Variants in IDI2 observed in about 807,000 individuals in gnomAD.
IDI2 encodes isopentenyl-diphosphate delta-isomerase 2.
IDI2 carries 18 observed loss-of-function variants against 14.8 expected under a neutral mutation model. The ratio of observed to expected loss-of-function variants is 1.22; its 90% confidence interval spans 0.84 to 1.80. IDI2 has a LOEUF of 1.80. Ranked by LOEUF, IDI2 falls within the 40% of genes most tolerant of loss-of-function variation. IDI2 has a pLI of 0.00. For synonymous variants in IDI2, 133 were observed against 109.6 expected, an observed-to-expected ratio of 1.21 and a Z score of -1.33; for missense variants, 316 against 283.2, an observed-to-expected ratio of 1.12 and a Z score of -0.83.
chr10:1,021,912 C>G (rs1041683990), intron 3 of IDI2, among the ~76,000 whole-genome samples: 1 of 152,198 alleles, frequency 6.6e-6, no homozygotes, highest in East Asian at 1.9e-4. Flanking sequence ...TTGAGGACAG[C>G]CTAGGCCAAA....
chr10:1,020,924 C>G (rs766363042), intron 3 of IDI2, 27 bp from the exon 4 acceptor site: 1 of 1,599,474 alleles, frequency 6.3e-7, no homozygotes, highest in Non-Finnish European at 8.5e-7. Flanking sequence ...TGGGAACATC[C>G]CTCTTTATTC....
chr10:1,019,688 G>A lies in IDI2; in HGVS notation c.513C>T (p.Ile171=), dbSNP rs1225144422. 1 of 1,614,010 alleles carries A rather than the reference G, an allele frequency of 6.2e-7. No individual in the cohort carries two copies. The highest frequency in any genetic ancestry group is 2.2e-5 in the East Asian group (1 of 44,842). The change falls in exon 5 of 5, where the codon ATC becomes ATT. Residue 171 remains isoleucine, a synonymous_variant. Coordinates refer to ENST00000277517, the MANE Select transcript of IDI2 (RefSeq NM_033261.3). The part of the protein sequence containing the change: ...LNPDPSETKS[I]LYLSQEELWE... ...ACAGCTCCTCCTGGGACAGGTAGAG[G>A]ATGCTTTTCGTTTCACTGGGATCCG...
chr10:1,025,190 A>C (rs907093789), intron 1 of IDI2, among the ~76,000 whole-genome samples: 1 of 152,168 alleles, frequency 6.6e-6, no homozygotes. Context: ...TCACCCACAG[A>C]AGGGCTATGG....
chr10:1,020,486 G>C (rs1832072795), intron 4 of IDI2, among the ~76,000 whole-genome samples: 1 of 152,190 alleles, frequency 6.6e-6, no homozygotes, highest in Non-Finnish European at 1.5e-5. Context: ...ACCACGCCCG[G>C]CTTGAATTTC....
chr10:1,021,109 G>A (rs183847273), intron 3 of IDI2, among the ~76,000 whole-genome samples: 45 of 152,348 alleles, frequency 3.0e-4, no homozygotes, highest in African/African-American at 1.0e-3. Context: ...TGACCACCTG[G>A]CGGGGCTGGC....
At chr10:1,024,915 T>C (rs1186590662) in intron 1 of IDI2, among the ~76,000 whole-genome samples, 171 bp from the exon 2 acceptor site, 1 of 152,066 alleles carries the variant, frequency 6.6e-6, no homozygotes, top group Non-Finnish European at 1.5e-5. Context: ...CTGTTTCTAA[T>C]GTGGTGTCTC....
At chr10:1,021,891 G>C (rs1832109601) in intron 3 of IDI2, among the ~76,000 whole-genome samples, 1 of 152,188 alleles carries the variant, frequency 6.6e-6, no homozygotes, top group Non-Finnish European at 1.5e-5. Flanking sequence ...GCAAGGTCTG[G>C]TTTTGAAAAT....
chr10:1,024,817 C>A, intron 1 of IDI2, 73 bp from the exon 2 acceptor site: 1 of 1,448,498 alleles, frequency 6.9e-7, no homozygotes, highest in South Asian at 1.2e-5. Flanking sequence ...GTGTTACCAA[C>A]CACATTAGGA....
chr10:1,023,858 G>C (rs1004066520), intron 2 of IDI2, among the ~76,000 whole-genome samples: 4 of 152,150 alleles, frequency 2.6e-5, no homozygotes, highest in African/African-American at 7.2e-5. Context: ...GAATGTTTGA[G>C]GTGATGGATA....
intron 2 of IDI2, among the ~76,000 whole-genome samples, chr10:1,023,528 T>G (rs1832155063): frequency 6.7e-6 from 1 of 149,628 alleles, no homozygotes; most frequent in African/African-American, 2.5e-5. Context: ...GCAACATGGA[T>G]GGAACTGGAG....
At chr10:1,021,055 G>A (rs999388030) in intron 3 of IDI2, among the ~76,000 whole-genome samples, 158 bp from the exon 4 acceptor site, 32 of 152,260 alleles carry the variant, frequency 2.1e-4, no homozygotes, top group African/African-American at 7.7e-4. Flanking sequence ...AGCAGCACTC[G>A]CCTCCAGCCT....
At chr10:1,024,489 C>T (rs1832174590) in intron 2 of IDI2, 93 bp downstream of exon 2, 2 of 1,435,460 alleles carry the variant, frequency 1.4e-6, no homozygotes, top group South Asian at 2.6e-5. Context: ...CGCCTCCTAG[C>T]CGGAAAGGCC....
At position 1,022,720 on chromosome 10, in the gene IDI2, C is replaced by G. The variant is rs561472973; in HGVS notation, c.198G>C (p.Leu66=). 78 of 1,614,142 alleles carry G rather than the reference C, an allele frequency of 4.8e-5. 2 individuals carry two copies. In the South Asian group the frequency reaches 8.3e-4, roughly 17 times the overall value. ...CTTTCGTGTCCGACCTCTGCTGTAT[C>G]AGGATTCGATTCTTGGTGTTAAACA... ...VVLFNTKNRI[L]IQQRSDTKVT... Residue 66 remains leucine, a synonymous_variant, in exon 3 of 5, where the codon CTG becomes CTC. Transcript: ENST00000277517.
Position 1,022,690 on chromosome 10 carries a change from C to T in IDI2, c.228G>A (p.Thr76=), listed in dbSNP as rs35183510. 1.7e-3 allele frequency: 2,796 copies of T among 1,613,046 alleles called. 36 individuals carry two copies. The African/African-American group carries it at 0.032, about 18-fold the overall frequency. The change falls in exon 3 of 5, where the codon ACG becomes ACA. Residue 76 remains threonine, a synonymous_variant. Coordinates refer to ENST00000277517, the MANE Select transcript of IDI2 (RefSeq NM_033261.3). ...LIQQRSDTKV[T]FPGYFTDSCS... is the part of the protein sequence containing the mutation. ...TTGGTTGAACGGACTCACCAGGAAA[C>T]GTGACTTTCGTGTCCGACCTCTGCT...
At chr10:1,023,291 T>C (rs1832146699) in intron 2 of IDI2, among the ~76,000 whole-genome samples, 1 of 151,968 alleles carries the variant, frequency 6.6e-6, no homozygotes. Flanking sequence ...CTGGCTAACA[T>C]GGTGAAACCC....
chr10:1,019,595 C>T lies in IDI2; in HGVS notation c.606G>A (p.Glu202=), dbSNP rs771329449. Residue 202 remains glutamate (E), a synonymous_variant, in exon 5 of 5, where the codon GAG becomes GAA. Coordinates refer to ENST00000277517, the MANE Select transcript of IDI2 (RefSeq NM_033261.3). ...KVTPWLRTIA[E]RFLYRWWPHL... is the part of the protein sequence containing the mutation. ...GAGGCCACCACCGGTACAGAAACCT[C>T]TCGGCAATGGTTCTTAGCCAGGGGG... 33 of 1,613,978 alleles carry T rather than the reference C, an allele frequency of 2.0e-5. No individual in the cohort carries two copies. Among genetic ancestry groups the T allele is most frequent in the Non-Finnish European group, 2.6e-5 (31 of 1,180,022 alleles).
chr10:1,022,075 C>T (rs773685246), intron 3 of IDI2, among the ~76,000 whole-genome samples: 10 of 152,084 alleles, frequency 6.6e-5, no homozygotes, highest in South Asian at 2.1e-4. Context: ...CTGGCTAACA[C>T]GGTGAAACCC....
rs558384193 is a variant in IDI2 at position 1,019,243 on chromosome 10, T to C, written c.*274A>G. 2 of 356,422 alleles carry C rather than the reference T, an allele frequency of 5.6e-6. No homozygotes were observed. The highest frequency in any genetic ancestry group is 4.6e-5 in the Admixed American group (1 of 21,864). The allele number at this position is 356,422 out of a possible 1,614,324, so 22.1% of individuals were successfully genotyped here. On this transcript the variant is annotated 3_prime_UTR_variant, in exon 5 of 5. Transcript: ENST00000277517. ...CCCCAAGACTTTCAGGATCAGCTGC[T>C]GTTAATCAAACAAGTGCTTATAAAA...
chr10:1,024,808 T>A, intron 1 of IDI2, 64 bp from the exon 2 acceptor site: 1 of 1,516,058 alleles, frequency 6.6e-7, no homozygotes, highest in Non-Finnish European at 9.1e-7. Context: ...TTTTGCTATG[T>A]GTTACCAACC....
Sources: allele counts gnomAD v4.1 joint callset (sites outside exome capture counted in the v4.1 genomes callset), GRCh38; gene constraint gnomAD v4.1.1; transcripts MANE v1.5; gene names NCBI Gene and HGNC (gene_info 2026-07-23, HGNC 2026-07-21).